The following TRAK2 variants were observed in gnomAD, a reference collection of about 807,000 sequenced individuals.
The protein encoded by TRAK2 is trafficking kinesin-binding protein 2.
TRAK2 carries 81 observed loss-of-function variants against 104.6 expected under a neutral mutation model. The observed-to-expected ratio is 0.77, with a 90% CI of 0.65 to 0.93. The LOEUF (loss-of-function observed/expected upper bound fraction) is 0.93. Ranked by LOEUF, TRAK2 falls within the 40% of genes least tolerant of loss-of-function variation. The pLI is 0.00. For missense variants in TRAK2, 1,002 were observed against 1,089.0 expected, an observed-to-expected ratio of 0.92 and a Z score of 1.12; for synonymous variants, 406 against 394.4, an observed-to-expected ratio of 1.03 and a Z score of -0.35.
At chr2:201,388,057 A>T (rs1235673636) in intron 12 of TRAK2, 56 bp from the exon 13 acceptor site, 4 of 1,540,622 alleles carry the variant, frequency 2.6e-6, no homozygotes, top group Admixed American at 3.3e-5. Context: ...CATGACCCAG[A>T]CCTCTCCTTT....
chr2:201,447,983 A>C lies in TRAK2; in HGVS notation c.-200+3367T>G, dbSNP rs967590448. 3.2e-4 allele frequency among the ~76,000 whole-genome samples: 48 copies of C among 152,234 alleles called. No individual in the cohort carries two copies. The highest frequency in any genetic ancestry group is 1.1e-3 in the African/African-American group (47 of 41,450). Reference sequence around the variant, plus strand: ...CAAACTACATTCCTTAAGAGCAAAGACTAAATTCCTAGCATTGGCACAGTG... The same window carrying C: ...CAAACTACATTCCTTAAGAGCAAAGCCTAAATTCCTAGCATTGGCACAGTG... On this transcript the variant is annotated intron_variant, in intron 1 of 15. Coordinates refer to ENST00000332624, the MANE Select transcript of TRAK2 (RefSeq NM_015049.3). The surrounding 1 kb of genome is among the most constrained non-coding windows in gnomAD (Gnocchi z 4.1).
intron 1 of TRAK2, among the ~76,000 whole-genome samples, chr2:201,428,830 C>T (rs920546432): frequency 6.6e-6 from 1 of 152,026 alleles, no homozygotes; most frequent in African/African-American, 2.4e-5. Context: ...TGTTTGTGTC[C>T]TCTTTTATTT....
chr2:201,400,294 T>C (rs1404237520), intron 4 of TRAK2, among the ~76,000 whole-genome samples: 1 of 152,092 alleles, frequency 6.6e-6, no homozygotes, highest in Non-Finnish European at 1.5e-5. Context: ...ACTGTCAATA[T>C]ACATCTCACT....
At chr2:201,445,982 T>G (rs79800181) in intron 1 of TRAK2, among the ~76,000 whole-genome samples, 3,924 of 152,312 alleles carry the variant, frequency 0.026, 174 homozygotes, top group African/African-American at 0.09. Flanking sequence ...TGAATGGAAA[T>G]TTTAAGAAGG....
At chr2:201,433,345 G>C (rs765015221) in intron 1 of TRAK2, 1 of 152,186 alleles carries the variant, frequency 6.6e-6, no homozygotes, top group Non-Finnish European at 1.5e-5. Flanking sequence ...TTATAAAGTT[G>C]ACCCTGAGGA....
At chr2:201,414,897 T>A (rs1951678695) in intron 2 of TRAK2, among the ~76,000 whole-genome samples, 1 of 151,494 alleles carries the variant, frequency 6.6e-6, no homozygotes, top group South Asian at 2.1e-4. Flanking sequence ...GTCCCTAGCA[T>A]CTCTTCTAGA....
chr2:201,410,435 A>C, intron 2 of TRAK2: 1 of 598,342 alleles, frequency 1.7e-6, no homozygotes, highest in Non-Finnish European at 3.0e-6. Context: ...GTTTTCTGTC[A>C]CAGAACCATT....
intron 1 of TRAK2, among the ~76,000 whole-genome samples, chr2:201,441,793 G>C (rs1469314018): frequency 6.6e-6 from 1 of 151,226 alleles, no homozygotes; most frequent in Non-Finnish European, 1.5e-5. Context: ...CCGGGTTTAA[G>C]CGATTCTCCT....
intron 1 of TRAK2, among the ~76,000 whole-genome samples, chr2:201,448,179 G>C (rs907763123): frequency 6.6e-6 from 1 of 152,244 alleles, no homozygotes; most frequent in African/African-American, 2.4e-5. Flanking sequence ...AAATAAGGTA[G>C]TTGTAAAGAC....
intron 1 of TRAK2, among the ~76,000 whole-genome samples, chr2:201,438,718 G>A (rs1316647556): frequency 1.3e-5 from 2 of 151,996 alleles, no homozygotes; most frequent in African/African-American, 4.8e-5. Flanking sequence ...GAATATAGAA[G>A]AAGAAGAAAA....
At position 201,408,965 on chromosome 2, in the gene TRAK2, C is replaced by G. The variant is rs558755791; in HGVS notation, c.92-1368G>C. ...TTTTAAAGAAGTGGTACATCTAAAT[C>G]CCAAAACATGTGAGGTGAAGGAAAT... On this transcript the variant is annotated intron_variant, in intron 2 of 15. Coordinates refer to ENST00000332624, the MANE Select transcript of TRAK2 (RefSeq NM_015049.3). 4.7e-4 allele frequency among the ~76,000 whole-genome samples: 72 copies of G among 152,194 alleles called. No homozygotes were observed. In the South Asian group the frequency reaches 0.015, roughly 31 times the overall value.
chr2:201,446,881 G>A (rs1393214544), intron 1 of TRAK2, among the ~76,000 whole-genome samples: 2 of 152,158 alleles, frequency 1.3e-5, no homozygotes, highest in Admixed American at 6.5e-5. Flanking sequence ...ACAAGGAAAA[G>A]CAAAATGTCA....
intron 1 of TRAK2, among the ~76,000 whole-genome samples, chr2:201,443,536 T>C (rs1489319289): frequency 6.6e-6 from 1 of 152,172 alleles, no homozygotes; most frequent in Non-Finnish European, 1.5e-5. Flanking sequence ...AACCAACCAC[T>C]ACCACAGATT....
In TRAK2 at chr2:201,390,383, A is replaced by C. The variant is rs192919682; in HGVS notation, c.1114-503T>G. On this transcript the variant is annotated intron_variant, in intron 10 of 15. Transcript: ENST00000332624. ...CATGGTGAAACCCTGTCTCTACTAA[A>C]AATACAAAAAAATACAAAAAAAAAA... Among the ~76,000 whole-genome samples, 3 of 103,548 alleles carry C rather than the reference A, an allele frequency of 2.9e-5. No individual in the cohort carries two copies. The East Asian group carries it at 7.9e-4, about 27-fold the overall frequency. 67.9% of individuals were successfully genotyped at this position (103,548 alleles called of 152,430 possible).
intron 14 of TRAK2, among the ~76,000 whole-genome samples, chr2:201,385,274 T>G (rs1951378344): frequency 6.6e-6 from 1 of 152,164 alleles, no homozygotes; most frequent in African/African-American, 2.4e-5. Flanking sequence ...CAACGCATGA[T>G]CTTAAAAATC....
intron 9 of TRAK2, 21 bp downstream of exon 9, chr2:201,394,777 A>G: frequency 6.2e-7 from 1 of 1,604,890 alleles, no homozygotes; most frequent in South Asian, 1.1e-5. Flanking sequence ...CCTGAATTAC[A>G]CAAGATAAAG....
intron 10 of TRAK2, among the ~76,000 whole-genome samples, chr2:201,391,206 G>A (rs948247777): frequency 3.3e-5 from 5 of 151,944 alleles, no homozygotes; most frequent in African/African-American, 1.2e-4. Flanking sequence ...CAGCTTAAAG[G>A]AGATCCTACT....
At chr2:201,442,434 A>AC (rs1951933907) in intron 1 of TRAK2, among the ~76,000 whole-genome samples, 1 of 151,886 alleles carries the variant, frequency 6.6e-6, no homozygotes, top group Non-Finnish European at 1.5e-5. Flanking sequence ...TGACGCTTGG[A>AC]CCCCAAACAT....
At chr2:201,389,085 C>T (rs1033028482) in intron 12 of TRAK2, among the ~76,000 whole-genome samples, 4 of 152,050 alleles carry the variant, frequency 2.6e-5, no homozygotes, top group African/African-American at 9.7e-5. Flanking sequence ...AGGTGTCATC[C>T]GATGTATTCA....
Sources: allele counts gnomAD v4.1 joint callset (sites outside exome capture counted in the v4.1 genomes callset), GRCh38; gene constraint gnomAD v4.1.1; non-coding constraint Gnocchi (gnomAD v3.1); transcripts MANE v1.5; gene names NCBI Gene and HGNC (gene_info 2026-07-23, HGNC 2026-07-21).